RAB1A: variants seen among roughly 807,000 people sequenced by gnomAD.
RAB1A encodes RAB1A, member RAS oncogene family.
Under a neutral mutation model 26.0 loss-of-function variants are expected in RAB1A, and 2 were observed. The observed-to-expected ratio is 0.08, with a 90% CI of 0.03 to 0.24. The LOEUF is 0.24. RAB1A is among the 10% of genes least tolerant of loss of function. The pLI, the probability that RAB1A is intolerant of heterozygous loss-of-function variation, is 1.00. For synonymous variants in RAB1A, 84 were observed against 84.9 expected (o/e 0.99, Z 0.06); for missense variants, 100 against 247.0 (o/e 0.40, Z 3.99).
At chr2:65,111,078 T>C (rs544323241) in intron 1 of RAB1A, among the ~76,000 whole-genome samples, 7 of 152,134 alleles carry the variant, frequency 4.6e-5, no homozygotes, top group African/African-American at 1.7e-4. Flanking sequence ...CCTCAAAATA[T>C]TGGCCAGGCA....
intron 1 of RAB1A, among the ~76,000 whole-genome samples, chr2:65,116,568 C>T (rs1393800226): frequency 6.6e-6 from 1 of 152,214 alleles, no homozygotes; most frequent in Non-Finnish European, 1.5e-5. Flanking sequence ...CTGTCTGGCA[C>T]ATACAGAAGC....
At chr2:65,120,148 T>TA (rs1661454417) in intron 1 of RAB1A, among the ~76,000 whole-genome samples, 2 of 151,966 alleles carry the variant, frequency 1.3e-5, no homozygotes, top group Admixed American at 1.3e-4. Flanking sequence ...ACTAACATCT[T>TA]AAACTCCACA....
In RAB1A at chr2:65,104,710, A is replaced by G. The variant is rs1362513708; in HGVS notation, c.96+24T>C. 3 of 1,492,402 alleles carry G rather than the reference A, an allele frequency of 2.0e-6. No individual in the cohort carries two copies. In the Admixed American group the frequency reaches 5.8e-5, roughly 29 times the overall value. 92.4% of individuals were successfully genotyped at this position (1,492,402 alleles called of 1,614,324 possible). A position where few individuals can be genotyped will look rare whatever the true frequency, so the allele number is the denominator to read the frequency against. On this transcript the variant is annotated intron_variant, in intron 2 of 5. Coordinates refer to ENST00000409784, the MANE Select transcript of RAB1A (RefSeq NM_004161.5). ...TAGCATTAATTGTACCATTAATTGT[A>G]AAGACATTTCAATTTCAACTTACTG...
chr2:65,098,965 T>C (rs1022354987), intron 2 of RAB1A, among the ~76,000 whole-genome samples: 2 of 149,990 alleles, frequency 1.3e-5, no homozygotes, highest in Non-Finnish European at 3.0e-5. Context: ...GCCACCTGAG[T>C]AGTAGGGACT....
intron 3 of RAB1A, among the ~76,000 whole-genome samples, chr2:65,097,404 A>G (rs1308509226): frequency 1.3e-5 from 2 of 152,242 alleles, no homozygotes; most frequent in African/African-American, 2.4e-5. Flanking sequence ...TGGTTCTACC[A>G]GTAACTGTAG....
chr2:65,120,455 C>CAAAAA (rs67617654), intron 1 of RAB1A, among the ~76,000 whole-genome samples: 3 of 56,628 alleles, frequency 5.3e-5, no homozygotes, highest in African/African-American at 1.2e-4. Flanking sequence ...CACCTTGTCT[C>CAAAAA]AAAAAAAAAA....
chr2:65,113,835 G>C (rs1003234283), intron 1 of RAB1A, among the ~76,000 whole-genome samples: 9 of 152,218 alleles, frequency 5.9e-5, no homozygotes, highest in African/African-American at 1.9e-4. Context: ...CACTCTGAGA[G>C]GCTGGAGCAG....
chr2:65,117,740 T>G (rs1388844679), intron 1 of RAB1A, among the ~76,000 whole-genome samples: 1 of 151,724 alleles, frequency 6.6e-6, no homozygotes, highest in African/African-American at 2.4e-5. Flanking sequence ...CTAGTTTTTT[T>G]TTTTTTTTTT....
At chr2:65,095,516 C>A (rs1173577424) in intron 3 of RAB1A, among the ~76,000 whole-genome samples, 1 of 125,962 alleles carries the variant, frequency 7.9e-6, no homozygotes, top group African/African-American at 3.0e-5. Context: ...CACCTGGTTA[C>A]TTTTTTTTTT....
intron 1 of RAB1A, among the ~76,000 whole-genome samples, chr2:65,127,752 G>C (rs1040828731): frequency 6.6e-6 from 1 of 151,490 alleles, no homozygotes; most frequent in African/African-American, 2.4e-5. Flanking sequence ...TTTTTTTTTT[G>C]AGACGGAGTC....
In RAB1A at chr2:65,087,113, G is replaced by A. The variant is rs1319187171; in HGVS notation, c.*1380C>T. ...CAAGCCCCTGCGTGAAGAATGTTTTGGCTGCTATTTCAACCTAAGGAAACA... is the reference window on the plus strand; with the variant it reads ...CAAGCCCCTGCGTGAAGAATGTTTTAGCTGCTATTTCAACCTAAGGAAACA... On this transcript the variant is annotated 3_prime_UTR_variant, in exon 6 of 6. Coordinates refer to ENST00000409784, the MANE Select transcript of RAB1A (RefSeq NM_004161.5). 2.6e-5 allele frequency: 4 copies of A among 152,128 alleles called. No homozygotes were observed. The East Asian group carries it at 7.7e-4, about 29-fold the overall frequency. 9.4% of individuals were successfully genotyped at this position (152,128 alleles called of 1,614,324 possible).
At chr2:65,128,814 T>C (rs777735301) in intron 1 of RAB1A, among the ~76,000 whole-genome samples, 9 of 152,216 alleles carry the variant, frequency 5.9e-5, no homozygotes, top group Admixed American at 1.3e-4. Context: ...AATTATTCAT[T>C]ACTTTACATG....
At chr2:65,118,378 T>G (rs1354980475) in intron 1 of RAB1A, among the ~76,000 whole-genome samples, 1 of 152,208 alleles carries the variant, frequency 6.6e-6, no homozygotes. Flanking sequence ...AGTCCATGTT[T>G]TGTAATTTAA....
rs369513433 is a variant in RAB1A at position 65,091,356 on chromosome 2, C to T, written c.193-278G>A. On this transcript the variant is annotated intron_variant, in intron 3 of 5. Transcript: ENST00000409784. ...ATGTCATACTTTTCACATTCCCTAC[C>T]GCCTTTAACACTGTGTTTAGGAATG... is the stretch of plus-strand genomic sequence containing the variant. 4.6e-5 allele frequency among the ~76,000 whole-genome samples: 7 copies of T among 152,274 alleles called. No homozygotes were observed. In the East Asian group the frequency reaches 1.4e-3, roughly 29 times the overall value.
Position 65,088,360 on chromosome 2 carries a change from A to G in RAB1A, c.*133T>C, listed in dbSNP as rs1669085477. Reference sequence around the variant, plus strand: ...AAAAAGTCAGTATTGACCATTTACAATCTCTGACCTTTGTGGAGACGGTAA... The same window carrying G: ...AAAAAGTCAGTATTGACCATTTACAGTCTCTGACCTTTGTGGAGACGGTAA... On this transcript the variant is annotated 3_prime_UTR_variant, in exon 6 of 6. Coordinates refer to ENST00000409784, the MANE Select transcript of RAB1A (RefSeq NM_004161.5). The G allele has an allele frequency of 6.9e-6, 5 of 728,396 alleles. No individual in the cohort carries two copies. The highest frequency in any genetic ancestry group is 1.1e-5 in the Non-Finnish European group (5 of 465,932). The allele number at this position is 728,396 out of a possible 1,614,324, so 45.1% of individuals were successfully genotyped here.
At chr2:65,114,220 CT>C (rs141050884) in intron 1 of RAB1A, 201 of 373,214 alleles carry the variant, frequency 5.4e-4, no homozygotes, top group Non-Finnish European at 9.9e-4. Context: ...TCAATGAACA[CT>C]TTACAAAAGA....
intron 1 of RAB1A, among the ~76,000 whole-genome samples, chr2:65,119,841 C>CAAAAAAAAAAAAAA (rs1178958164): frequency 2.7e-5 from 1 of 36,440 alleles, no homozygotes; most frequent in African/African-American, 9.9e-5. Context: ...CCTGTCTCTA[C>CAAAAAAAAAAAAAA]AAAAAAAAAA....
At position 65,102,264 on chromosome 2, in the gene RAB1A, C is replaced by CT. The variant is rs1491556469; in HGVS notation, c.96+2469dup. Among the ~76,000 whole-genome samples the CT allele has an allele frequency of 1.3e-4, 20 of 152,046 alleles. No individual in the cohort carries two copies. In the East Asian group the frequency reaches 3.9e-3, roughly 29 times the overall value. On this transcript the variant is annotated intron_variant, in intron 2 of 5. Transcript: ENST00000409784. ...AGTCAAATTTAGCAGTGATTTCTTG[C>CT]TTTTTTCTTATTTTAAAAAATACCT...
intron 2 of RAB1A, 143 bp downstream of exon 2, chr2:65,104,591 G>A (rs1387124863): frequency 1.6e-6 from 1 of 636,430 alleles, no homozygotes; most frequent in Non-Finnish European, 2.7e-6. Context: ...TACCACTGGG[G>A]ATGTATATTT....
Sources: allele counts gnomAD v4.1 joint callset (sites outside exome capture counted in the v4.1 genomes callset), GRCh38; gene constraint gnomAD v4.1.1; transcripts MANE v1.5; gene names NCBI Gene and HGNC (gene_info 2026-07-23, HGNC 2026-07-21).